Variants in TDP2 observed in about 807,000 individuals in gnomAD.
TDP2 encodes 5'-Tyr-DNA phosphodiesterase.
A neutral mutation model predicts 42.8 loss-of-function variants in TDP2; 38 were observed. The observed-to-expected ratio is 0.89, with a 90% CI of 0.68 to 1.16. The LOEUF is 1.16. Among genes scored for constraint, TDP2 ranks in the 50% most tolerant of loss-of-function variants. TDP2 has a pLI of 0.00. For synonymous variants in TDP2, 173 were observed against 150.6 expected, an observed-to-expected ratio of 1.15 and a Z score of -1.09; for missense variants, 439 against 439.3, an observed-to-expected ratio of 1.00 and a Z score of 0.01.
chr6:24,659,057 A>G (rs1010106246), intron 2 of TDP2: 1 of 193,522 alleles, frequency 5.2e-6, no homozygotes, highest in Non-Finnish European at 1.1e-5. Flanking sequence ...ATTGCTTAAG[A>G]TGTTTTTCAG....
chr6:24,654,795 C>G (rs1778035342), intron 4 of TDP2, among the ~76,000 whole-genome samples: 1 of 152,080 alleles, frequency 6.6e-6, no homozygotes, highest in Non-Finnish European at 1.5e-5. Flanking sequence ...AATCCCAGCA[C>G]TTTGGGAGGT....
chr6:24,657,947 T>C (rs1778082340), intron 3 of TDP2, 44 bp from the exon 4 acceptor site: 1 of 1,340,196 alleles, frequency 7.5e-7, no homozygotes, highest in Admixed American at 2.3e-5. Context: ...AGTATACCAT[T>C]TCATTTTCAG....
chr6:24,659,002 T>C (rs552717705), intron 2 of TDP2: 296 of 307,404 alleles, frequency 9.6e-4, no homozygotes, highest in Non-Finnish European at 1.5e-3. Context: ...ATTGCTCCTA[T>C]GGGTAGGATC....
At position 24,651,625 on chromosome 6, in the gene TDP2, TCTGTTGC is replaced by T. The variant is rs1346870411; in HGVS notation, c.808-563_808-557del. Reference sequence around the variant, plus strand: ...TTTTTTTTTGAGGTGGGAGTCTCACTCTGTTGCCCAGGATGGAGTGGTGCAATCTCGG... The same window carrying T: ...TTTTTTTTTGAGGTGGGAGTCTCACTCCAGGATGGAGTGGTGCAATCTCGG... On this transcript the variant is annotated intron_variant, in intron 6 of 6. Transcript: ENST00000378198. Among the ~76,000 whole-genome samples, 9 of 61,760 alleles carry T rather than the reference TCTGTTGC, an allele frequency of 1.5e-4. No homozygotes were observed. In the South Asian group the frequency reaches 5.7e-3, roughly 39 times the overall value. The allele number at this position is 61,760 out of a possible 152,430, so 40.5% of individuals were successfully genotyped here. A position where few individuals can be genotyped will look rare whatever the true frequency, so the allele number is the denominator to read the frequency against.
At chr6:24,662,354 C>T (rs959206117) in intron 2 of TDP2, among the ~76,000 whole-genome samples, 2 of 152,050 alleles carry the variant, frequency 1.3e-5, no homozygotes, top group Admixed American at 6.5e-5. Flanking sequence ...AAAACCCGAT[C>T]GTACATTCTA....
At chr6:24,658,801 T>C in intron 2 of TDP2, 67 bp from the exon 3 acceptor site, 1 of 1,491,866 alleles carries the variant, frequency 6.7e-7, no homozygotes, top group Non-Finnish European at 9.1e-7. Flanking sequence ...TTATTTTGTA[T>C]TTGTAGCCCT....
intron 5 of TDP2, 34 bp from the exon 6 acceptor site, chr6:24,653,187 A>G: frequency 2.5e-6 from 4 of 1,598,332 alleles, no homozygotes; most frequent in Non-Finnish European, 3.4e-6. Context: ...AAAACTGTCC[A>G]CTGACTATTA....
At chr6:24,653,660 A>G (rs1053698585) in intron 5 of TDP2, among the ~76,000 whole-genome samples, 1 of 152,210 alleles carries the variant, frequency 6.6e-6, no homozygotes, top group Non-Finnish European at 1.5e-5. Context: ...ACAATCTATC[A>G]TTATACTAAG....
rs749121954 is a variant in TDP2 at position 24,653,085 on chromosome 6, C to T, written c.705G>A (p.Ala235=). 128 of 1,613,968 alleles carry T rather than the reference C, an allele frequency of 7.9e-5. No homozygotes were observed. In the East Asian group the frequency reaches 1.1e-3, roughly 13 times the overall value. ...CCATTTTTAACTGATTCATTCGTTC[C>T]GCAGCATGCCCTCTGGTGCTCTCCA... ...SHLESTRGHA[A]ERMNQLKMVL... is the part of the protein sequence containing the mutation. Residue 235 remains alanine, a synonymous_variant, in exon 6 of 7, where the codon GCG becomes GCA. Transcript: ENST00000378198.
intron 2 of TDP2, among the ~76,000 whole-genome samples, chr6:24,660,013 G>C (rs768641251): frequency 6.6e-6 from 1 of 152,136 alleles, no homozygotes; most frequent in African/African-American, 2.4e-5. Context: ...TGAGTGGAGG[G>C]ACAAACTTTA....
chr6:24,652,813 T>C, intron 6 of TDP2, 170 bp downstream of exon 6: 2 of 658,450 alleles, frequency 3.0e-6, no homozygotes, highest in Non-Finnish European at 2.6e-6. Flanking sequence ...AGCCCCTTCT[T>C]CCCCTAGGCA....
At chr6:24,659,857 T>C (rs536040066) in intron 2 of TDP2, among the ~76,000 whole-genome samples, 7 of 152,162 alleles carry the variant, frequency 4.6e-5, no homozygotes, top group Admixed American at 1.3e-4. Context: ...TCAAGGCTTT[T>C]GGAACACTCC....
In TDP2 at chr6:24,653,039, C is replaced by T. The variant is rs1307016253; in HGVS notation, c.751G>A (p.Ala251Thr). 1.1e-5 allele frequency: 18 copies of T among 1,613,928 alleles called. No homozygotes were observed. The Admixed American group carries it at 3.0e-4, about 27-fold the overall frequency. ...LKMVLKKMQE[A>T]PESATVIFAG... ...AATATAACTGTAGCTGACTCTGGAG[C>T]CTCTTGCATTTTCTTTAAAACCATT... The change falls in exon 6 of 7, where the codon GCT (alanine) becomes ACT (threonine). Residue 251 changes from alanine (A) to threonine (T), a missense_variant. Coordinates refer to ENST00000378198, the MANE Select transcript of TDP2 (RefSeq NM_016614.3).
At position 24,653,136 on chromosome 6, in the gene TDP2, A is replaced by G. The variant is rs1287160991; in HGVS notation, c.654T>C (p.Asn218=). ...LLCVHVNVSG[N]ELCLMTSHLE... ...AATGGGATGTCATAAGGCAAAGCTC[A>G]TTTCCTGACACGTTCACCTGCAGCA... Residue 218 remains asparagine, a synonymous_variant, in exon 6 of 7, where the codon AAT becomes AAC. Coordinates refer to ENST00000378198, the MANE Select transcript of TDP2 (RefSeq NM_016614.3). 6.2e-7 allele frequency: 1 copy of G among 1,613,994 alleles called. No homozygotes were observed. Among genetic ancestry groups the G allele is most frequent in the Non-Finnish European group, 8.5e-7 (1 of 1,179,994 alleles).
chr6:24,657,757 C>G (rs1778079812), intron 4 of TDP2, 55 bp downstream of exon 4: 1 of 1,056,802 alleles, frequency 9.5e-7, no homozygotes. Context: ...TGATTTATCT[C>G]TTTCACTGAT....
intron 2 of TDP2, 62 bp downstream of exon 2, chr6:24,666,464 C>T: frequency 6.4e-7 from 1 of 1,559,034 alleles, no homozygotes. Flanking sequence ...CCAGGACGCG[C>T]AGGGCTACCT....
Position 24,654,447 on chromosome 6 carries a change from T to A in TDP2, c.601A>T (p.Ser201Cys). 2 of 1,578,792 alleles carry A rather than the reference T, an allele frequency of 1.3e-6. No homozygotes were observed. Among genetic ancestry groups the A allele is most frequent in the Non-Finnish European group, 1.7e-6 (2 of 1,157,892 alleles). Reference protein sequence around the residue: ...LKSQEIIPFPSTKMMRNLLCV... With the variant: ...LKSQEIIPFPCTKMMRNLLCV... ...AAAAGGTTTCTCATCATTTTGGTAC[T>A]TGGAAAAGGAATAATCTCTTGGCTT... Residue 201 changes from serine (S) to cysteine (C), a missense_variant, in exon 5 of 7, where the codon AGT (serine) becomes TGT (cysteine). Ser to Cys is a moderately radical substitution (Grantham distance 112). Transcript: ENST00000378198.
At chr6:24,660,565 A>C (rs1417542605) in intron 2 of TDP2, among the ~76,000 whole-genome samples, 1 of 152,226 alleles carries the variant, frequency 6.6e-6, no homozygotes, top group Non-Finnish European at 1.5e-5. Context: ...GTCAATAGAG[A>C]TGTGGTTATG....
intron 2 of TDP2, among the ~76,000 whole-genome samples, chr6:24,659,461 T>C (rs1778107092): frequency 6.6e-6 from 1 of 152,190 alleles, no homozygotes; most frequent in Non-Finnish European, 1.5e-5. Context: ...ACCTTCTAAA[T>C]TGATTTAGAC....
Sources: allele counts gnomAD v4.1 joint callset (sites outside exome capture counted in the v4.1 genomes callset), GRCh38; gene constraint gnomAD v4.1.1; transcripts MANE v1.5; gene names NCBI Gene and HGNC (gene_info 2026-07-23, HGNC 2026-07-21).